Variants in RASAL3 observed in about 807,000 individuals in gnomAD.
RASAL3 encodes RAS protein activator like 3.
RASAL3 carries 74 observed loss-of-function variants against 105.5 expected under a neutral mutation model. That is an observed-to-expected ratio of 0.70 (90% CI 0.58 to 0.85). The LOEUF is 0.85. RASAL3 is among the 40% of genes least tolerant of loss of function. The pLI, the probability that RASAL3 is intolerant of heterozygous loss-of-function variation, is 0.00. For missense variants in RASAL3, 1,352 were observed against 1,392.0 expected, an observed-to-expected ratio of 0.97 and a Z score of 0.46; for synonymous variants, 579 against 591.6, an observed-to-expected ratio of 0.98 and a Z score of 0.31.
chr19:15,454,182 C>T lies in RASAL3; in HGVS notation c.2246G>A (p.Arg749His), dbSNP rs201285104. The T allele has an allele frequency of 9.1e-5, 142 of 1,567,554 alleles. No homozygotes were observed. The highest frequency in any genetic ancestry group is 3.3e-4 in the Middle Eastern group (2 of 6,028). ...GQPVLVSVPM[R>H]LPLPPAQVHS... ...GACCTGGGCCGGGGGCAGTGGGAGA[C>T]GCATTGGCACTGACACAAGCACAGG... The change falls in exon 14 of 18, where the codon CGT becomes CAT. Residue 749 changes from arginine (R) to histidine (H), a missense_variant. By Grantham distance (29) the Arg-to-His change is conservative (BLOSUM62 0). Around this residue, in one of 3 missense-constraint regions of RASAL3, gnomAD observed 920 missense variants for 919.6 expected, o/e 1.00. Coordinates refer to ENST00000343625, the MANE Select transcript of RASAL3 (RefSeq NM_022904.3).
At position 15,453,331 on chromosome 19, in the gene RASAL3, G is replaced by A; in HGVS notation, c.2446C>T (p.Arg816Cys). Residue 816 changes from arginine (R) to cysteine (C), a missense_variant, in exon 15 of 18, where the codon CGC (arginine) becomes TGC (cysteine). By Grantham distance (180) the Arg-to-Cys change is radical. Around this residue, in one of 3 missense-constraint regions of RASAL3, gnomAD observed 920 missense variants for 919.6 expected, o/e 1.00. Transcript: ENST00000343625. The surrounding 1 kb of genome is among the most constrained non-coding windows in gnomAD (Gnocchi z 4.2). ...CGCCGGACCGGGACACTCTGCGTGC[G>A]CTGCACCGGCCGGGGCCGCCGCAGG... ...RPLRRPRPVQRTQSVPVRRPA... is the reference protein window; with the variant it reads ...RPLRRPRPVQCTQSVPVRRPA... 6.9e-7 allele frequency: 1 copy of A among 1,442,740 alleles called. No individual in the cohort carries two copies. 89.4% of individuals were successfully genotyped at this position (1,442,740 alleles called of 1,614,324 possible).
chr19:15,451,784 G>C lies in RASAL3; in HGVS notation c.*11C>G. ...CTCCCAGACCACGTGTGATGAGGCA[G>C]GATGGGCAGCTCAGGTGGTGTCTCC... is the stretch of plus-strand genomic sequence containing the variant. On this transcript the variant is annotated 3_prime_UTR_variant, in exon 18 of 18. Coordinates refer to ENST00000343625, the MANE Select transcript of RASAL3 (RefSeq NM_022904.3). 6.3e-7 allele frequency: 1 copy of C among 1,584,220 alleles called. No individual in the cohort carries two copies. Among genetic ancestry groups the C allele is most frequent in the South Asian group, 1.1e-5 (1 of 89,440 alleles).
chr19:15,457,868 T>C lies in RASAL3; in HGVS notation c.889-34A>G. ...GGGAGTGGGATGGGGGGAAGCGTTT[T>C]GGTTTGTTGGCACCCCAAAGAAGGC... On this transcript the variant is annotated intron_variant, in intron 8 of 17. Coordinates refer to ENST00000343625, the MANE Select transcript of RASAL3 (RefSeq NM_022904.3). This position sits in a 1 kb window ranked among gnomAD's most constrained non-coding sequence, Gnocchi z 8.6. 1 of 1,544,416 alleles carries C rather than the reference T, an allele frequency of 6.5e-7. No individual in the cohort carries two copies. The highest frequency in any genetic ancestry group is 8.7e-7 in the Non-Finnish European group (1 of 1,145,012).
At position 15,457,502 on chromosome 19, in the gene RASAL3, G is replaced by C. The variant is rs1970363025; in HGVS notation, c.1221C>G (p.Leu407=). 11 of 1,182,384 alleles carry C rather than the reference G, an allele frequency of 9.3e-6. No individual in the cohort carries two copies. Among genetic ancestry groups the C allele is most frequent in the Non-Finnish European group, 1.2e-5 (11 of 952,172 alleles). The allele number at this position is 1,182,384 out of a possible 1,614,324, so 73.2% of individuals were successfully genotyped here. A position where few individuals can be genotyped will look rare whatever the true frequency, so the allele number is the denominator to read the frequency against. ...AAGLERWFPL[L]GAPAGAALRA... ...GCAGCGCTGCGCCCGCCGGCGCCCC[G>C]AGCAGCGGGAACCAGCGCTCCAGAC... The change falls in exon 9 of 18, where the codon CTC becomes CTG. Residue 407 remains leucine, a synonymous_variant. Coordinates refer to ENST00000343625, the MANE Select transcript of RASAL3 (RefSeq NM_022904.3). This position sits in a 1 kb window ranked among gnomAD's most constrained non-coding sequence, Gnocchi z 8.6.
At position 15,456,621 on chromosome 19, in the gene RASAL3, G is replaced by T; in HGVS notation, c.1457C>A (p.Ala486Glu). 6.2e-7 allele frequency: 1 copy of T among 1,612,870 alleles called. No individual in the cohort carries two copies. Among genetic ancestry groups the T allele is most frequent in the Admixed American group, 1.7e-5 (1 of 59,930 alleles). Residue 486 changes from alanine to glutamate, a missense_variant, in exon 10 of 18, where the codon GCG becomes GAG. Coordinates refer to ENST00000343625, the MANE Select transcript of RASAL3 (RefSeq NM_022904.3). The surrounding 1 kb of genome is among the most constrained non-coding windows in gnomAD (Gnocchi z 4.4). ...ACGGCCTCCACAGCGCGCCAGCTCC[G>T]CAGTGCCCAGGTCAGTCACCAGCGC... Reference protein sequence around the residue: ...AQALVTDLGTAELARCGGREA... With the variant: ...AQALVTDLGTEELARCGGREA...
chr19:15,460,193 A>C lies in RASAL3; in HGVS notation c.662+10T>G, dbSNP rs748950134. ...AACCCCAGCCCCTCCAGCCTCTCATACACCCTTACCCATCCCGGGGCTCCA... is the reference window on the plus strand; with the variant it reads ...AACCCCAGCCCCTCCAGCCTCTCATCCACCCTTACCCATCCCGGGGCTCCA... On this transcript the variant is annotated intron_variant, in intron 6 of 17. Coordinates refer to ENST00000343625, the MANE Select transcript of RASAL3 (RefSeq NM_022904.3). The C allele has an allele frequency of 6.2e-7, 1 of 1,603,430 alleles. No individual in the cohort carries two copies. Among genetic ancestry groups the C allele is most frequent in the Non-Finnish European group, 8.5e-7 (1 of 1,174,844 alleles).
At chr19:15,458,785 A>ACCCCCCCCCCC (rs531818545) in intron 6 of RASAL3, 130 bp from the exon 7 acceptor site, 3 of 1,090,668 alleles carry the variant, frequency 2.8e-6, no homozygotes, top group South Asian at 3.3e-5. Context: ...TGCCCCCCCC[A>ACCCCCCCCCCC]CCCCCCGCCA....
At position 15,453,237 on chromosome 19, in the gene RASAL3, G is replaced by C. The variant is rs780006940; in HGVS notation, c.2540C>G (p.Ala847Gly). The change falls in exon 15 of 18, where the codon GCG becomes GGG. Residue 847 changes from alanine to glycine, a missense_variant. Around this residue, in one of 3 missense-constraint regions of RASAL3, gnomAD observed 920 missense variants for 919.6 expected, o/e 1.00. Transcript: ENST00000343625. The surrounding 1 kb of genome is among the most constrained non-coding windows in gnomAD (Gnocchi z 4.2). Reference protein sequence around the residue: ...RPKGSLSMGPAPRARPWTRDS... With the variant: ...RPKGSLSMGPGPRARPWTRDS... The stretch of plus-strand genomic sequence containing the variant: ...CCGGGTCCAAGGCCGGGCGCGGGGC[G>C]CTGGTCCCATGCTCAGGGAGCCTTT... The C allele has an allele frequency of 3.4e-5, 55 of 1,594,574 alleles. No individual in the cohort carries two copies. The highest frequency in any genetic ancestry group is 4.5e-5 in the Non-Finnish European group (53 of 1,172,248).
chr19:15,456,861 C>T lies in RASAL3; in HGVS notation c.1432-215G>A. On this transcript the variant is annotated intron_variant, in intron 9 of 17. Transcript: ENST00000343625. This position sits in a 1 kb window ranked among gnomAD's most constrained non-coding sequence, Gnocchi z 4.4. ...TTCAGCGCTGAGGTGCAACCTGGGCCCCGCCCCTCACGCGTGATGCTCAGG... is the reference window on the plus strand; with the variant it reads ...TTCAGCGCTGAGGTGCAACCTGGGCTCCGCCCCTCACGCGTGATGCTCAGG... The T allele has an allele frequency of 1.6e-6, 1 of 618,944 alleles. No homozygotes were observed. The highest frequency in any genetic ancestry group is 2.8e-6 in the Non-Finnish European group (1 of 357,794). 38.3% of individuals were successfully genotyped at this position (618,944 alleles called of 1,614,324 possible).
rs1970273859 is a variant in RASAL3 at position 15,454,933 on chromosome 19, T to C, written c.1722-40A>G. On this transcript the variant is annotated intron_variant, in intron 11 of 17. Transcript: ENST00000343625. ...GCAATGAATGGTCAGACGGGGAGGC[T>C]ATGGGCATAAAGGTTAAAGTCATAA... 4 of 1,457,570 alleles carry C rather than the reference T, an allele frequency of 2.7e-6. No individual in the cohort carries two copies. In the South Asian group the frequency reaches 5.1e-5, roughly 19 times the overall value. 90.3% of individuals were successfully genotyped at this position (1,457,570 alleles called of 1,614,324 possible). A position where few individuals can be genotyped will look rare whatever the true frequency, so the allele number is the denominator to read the frequency against.
Position 15,453,301 on chromosome 19 carries a change from C to A in RASAL3, c.2476G>T (p.Ala826Ser). 1.3e-6 allele frequency: 2 copies of A among 1,496,622 alleles called. No homozygotes were observed. The highest frequency in any genetic ancestry group is 1.8e-6 in the Non-Finnish European group (2 of 1,127,262). 92.7% of individuals were successfully genotyped at this position (1,496,622 alleles called of 1,614,324 possible). A position where few individuals can be genotyped will look rare whatever the true frequency, so the allele number is the denominator to read the frequency against. The part of the protein sequence containing the change: ...RTQSVPVRRP[A>S]RRRQSAGPWP... Reference sequence around the variant, plus strand: ...GGCCCCGCAGATTGGCGGCGGCGGGCAGGACGCCGGACCGGGACACTCTGC... The same window carrying A: ...GGCCCCGCAGATTGGCGGCGGCGGGAAGGACGCCGGACCGGGACACTCTGC... Residue 826 changes from alanine (A) to serine (S), a missense_variant, in exon 15 of 18, where the codon GCC becomes TCC. Ala to Ser is a moderately conservative substitution (Grantham distance 99). Around this residue, in one of 3 missense-constraint regions of RASAL3, gnomAD observed 920 missense variants for 919.6 expected, o/e 1.00. Coordinates refer to ENST00000343625, the MANE Select transcript of RASAL3 (RefSeq NM_022904.3). This position sits in a 1 kb window ranked among gnomAD's most constrained non-coding sequence, Gnocchi z 4.2.
Position 15,456,690 on chromosome 19 carries a change from T to A in RASAL3, c.1432-44A>T. On this transcript the variant is annotated intron_variant, in intron 9 of 17. Transcript: ENST00000343625. This position sits in a 1 kb window ranked among gnomAD's most constrained non-coding sequence, Gnocchi z 4.4. ...CAGGTTGCACCAGATGCAGACAGAG[T>A]CCAAGGGAATTCGGATCCTTGGCTG... 1 of 1,593,644 alleles carries A rather than the reference T, an allele frequency of 6.3e-7. No homozygotes were observed. The highest frequency in any genetic ancestry group is 1.1e-5 in the South Asian group (1 of 89,050).
rs781272273 is a variant in RASAL3 at position 15,452,700 on chromosome 19, A to AGCTGCTCCT, written c.2777_2785dup (p.Gln926_Gln928dup). On this transcript the variant is annotated inframe_insertion, in exon 16 of 18. Coordinates refer to ENST00000343625, the MANE Select transcript of RASAL3 (RefSeq NM_022904.3). ...GTCCAGATCCTGCAGCTGGCCCCGC[A>AGCTGCTCCT]GCTGCTCCTGCTGCTCCGTCAAGGC... 15 of 1,552,596 alleles carry AGCTGCTCCT rather than the reference A, an allele frequency of 9.7e-6. No individual in the cohort carries two copies. In the African/African-American group the frequency reaches 1.8e-4, roughly 18 times the overall value.
chr19:15,459,737 A>G (rs188283215), intron 6 of RASAL3, among the ~76,000 whole-genome samples: 10 of 151,906 alleles, frequency 6.6e-5, no homozygotes, highest in Non-Finnish European at 1.2e-4. Context: ...GGGTCTCACT[A>G]TGTTGCCCAG....
chr19:15,452,218 C>T, intron 16 of RASAL3, 110 bp from the exon 17 acceptor site: 11 of 1,032,916 alleles, frequency 1.1e-5, no homozygotes, highest in Middle Eastern at 4.8e-4. Flanking sequence ...GGAGGCGGAG[C>T]TTGTCCAGAC....
Position 15,453,385 on chromosome 19 carries a change from C to A in RASAL3, c.2392G>T (p.Ala798Ser). ...CGCTCTTCGTCCGGCCGTGGCCGGG[C>A]CCAACTCTCTGAGCGGCGAACGCTG... ...LRSVRRSESW[A>S]RPRPDEERPL... Residue 798 changes from alanine (A) to serine (S), a missense_variant, in exon 15 of 18, where the codon GCC (alanine) becomes TCC (serine). Physicochemically the swap from Ala to Ser is moderately conservative, Grantham distance 99. Around this residue, in one of 3 missense-constraint regions of RASAL3, gnomAD observed 920 missense variants for 919.6 expected, o/e 1.00. Transcript: ENST00000343625. The surrounding 1 kb of genome is among the most constrained non-coding windows in gnomAD (Gnocchi z 4.2). The A allele has an allele frequency of 1.4e-6, 2 of 1,472,590 alleles. No individual in the cohort carries two copies. The highest frequency in any genetic ancestry group is 1.8e-6 in the Non-Finnish European group (2 of 1,119,294). The allele number at this position is 1,472,590 out of a possible 1,614,324, so 91.2% of individuals were successfully genotyped here. A position where few individuals can be genotyped will look rare whatever the true frequency, so the allele number is the denominator to read the frequency against.
intron 11 of RASAL3, among the ~76,000 whole-genome samples, chr19:15,455,881 G>A (rs1304126318): frequency 6.6e-6 from 1 of 152,162 alleles, no homozygotes; most frequent in Non-Finnish European, 1.5e-5. Flanking sequence ...GAACTCCTGG[G>A]CTCAAGCAAT....
chr19:15,457,312 G>C lies in RASAL3; in HGVS notation c.1411C>G (p.Arg471Gly). 7.6e-7 allele frequency: 1 copy of C among 1,315,656 alleles called. No individual in the cohort carries two copies. The highest frequency in any genetic ancestry group is 9.7e-7 in the Non-Finnish European group (1 of 1,034,472). 81.5% of individuals were successfully genotyped at this position (1,315,656 alleles called of 1,614,324 possible). ...CGCACCTGCGCCCGGCCGGTGGCCC[G>C]CAGCACGCGCACCATGGCTGCCGCC... ...ELAAAMVRVL[R>G]ATGRAQALVT... The change falls in exon 9 of 18, where the codon CGG becomes GGG. Residue 471 changes from arginine (R) to glycine (G), a missense_variant. Physicochemically the swap from Arg to Gly is moderately radical, Grantham distance 125. Transcript: ENST00000343625. The surrounding 1 kb of genome is among the most constrained non-coding windows in gnomAD (Gnocchi z 8.6).
In RASAL3 at chr19:15,460,242, A is replaced by C. The variant is rs1970467362; in HGVS notation, c.623T>G (p.Leu208Arg). Residue 208 changes from leucine to arginine, a missense_variant, in exon 6 of 18, where the codon CTG (leucine) becomes CGG (arginine). Physicochemically the swap from Leu to Arg is moderately radical, Grantham distance 102. Around this residue, in one of 3 missense-constraint regions of RASAL3, gnomAD observed 344 missense variants for 339.6 expected, o/e 1.01. Coordinates refer to ENST00000343625, the MANE Select transcript of RASAL3 (RefSeq NM_022904.3). ...VHNVRGLLKR[L>R]KEKKKARLEP... is the part of the protein sequence containing the mutation. ...CAACCTGGCCTTTTTCTTCTCTTTC[A>C]GCCTCTTGAGCAACCCCTGTGGGGA... is the stretch of plus-strand genomic sequence containing the variant. The C allele has an allele frequency of 6.2e-7, 1 of 1,608,592 alleles. No homozygotes were observed. The highest frequency in any genetic ancestry group is 1.1e-5 in the South Asian group (1 of 89,596).
Sources: gnomAD v4.1 joint callset for allele counts (sites outside exome capture counted in the v4.1 genomes callset) on GRCh38, gnomAD v4.1.1 for gene constraint, gnomAD v4.1.1 regional missense constraint, Gnocchi (gnomAD v3.1) non-coding constraint, MANE v1.5 for transcripts, NCBI Gene and HGNC (gene_info 2026-07-23, HGNC 2026-07-21) for gene names.